Variants in ANK1 observed in about 807,000 individuals in gnomAD.
ANK1 encodes the protein ankyrin-1.
In ANK1, 51 loss-of-function variants were observed where a neutral mutation model predicts 210.4. That is an observed-to-expected ratio of 0.24 (90% CI 0.19 to 0.31). ANK1 has a LOEUF of 0.31. Ranked by LOEUF, ANK1 falls within the 10% of genes least tolerant of loss-of-function variation. The pLI is 1.00. For synonymous variants in ANK1, 967 were observed against 1,025.9 expected (o/e 0.94, Z 1.10); for missense variants, 2,051 against 2,504.4 (o/e 0.82, Z 3.86).
chr8:41,662,781 G>A (rs1808912035), intron 40 of ANK1, among the ~76,000 whole-genome samples: 1 of 152,094 alleles, frequency 6.6e-6, no homozygotes, highest in Non-Finnish European at 1.5e-5. Flanking sequence ...CTGCGCCTAA[G>A]CAGAAGCACA....
intron 13 of ANK1, among the ~76,000 whole-genome samples, chr8:41,716,131 C>T (rs1827608775): frequency 6.6e-6 from 1 of 152,162 alleles, no homozygotes; most frequent in Non-Finnish European, 1.5e-5. Flanking sequence ...GGAATAATAA[C>T]GTCTACTTGC....
chr8:41,668,793 G>T (rs1294573462), intron 38 of ANK1, among the ~76,000 whole-genome samples: 1 of 152,184 alleles, frequency 6.6e-6, no homozygotes, highest in Non-Finnish European at 1.5e-5. Context: ...TGTCCAGGTG[G>T]AAAGGCCACT....
At chr8:41,850,928 C>G (rs1587417068) in intron 1 of ANK1, among the ~76,000 whole-genome samples, 1 of 152,248 alleles carries the variant, frequency 6.6e-6, no homozygotes, top group Admixed American at 6.5e-5. Flanking sequence ...ACATAGGCTA[C>G]CCGGCCTCTT....
Position 41,849,999 on chromosome 8 carries a change from G to A in ANK1, c.126+46356C>T, listed in dbSNP as rs568901412. The stretch of plus-strand genomic sequence containing the variant: ...ATCACGCTGTCAGAGCCCTGGCAGC[G>A]GCTCTCAGACAGTCCCTCACTGCAG... On this transcript the variant is annotated intron_variant, in intron 1 of 42. Transcript: ENST00000265709. Among the ~76,000 whole-genome samples the A allele has an allele frequency of 9.9e-5, 15 of 152,134 alleles. No homozygotes were observed. In the South Asian group the frequency reaches 1.0e-3, roughly 11 times the overall value.
intron 42 of ANK1, among the ~76,000 whole-genome samples, chr8:41,658,965 C>A (rs1030605459): frequency 2.6e-5 from 4 of 152,160 alleles, no homozygotes; most frequent in Non-Finnish European, 5.9e-5. Context: ...TTAGCAAATA[C>A]TGAACCACTG....
chr8:41,758,508 AC>A (rs1839718749), intron 1 of ANK1, among the ~76,000 whole-genome samples: 1 of 150,278 alleles, frequency 6.7e-6, no homozygotes, highest in African/African-American at 2.5e-5. Flanking sequence ...ATTTTTTTAA[AC>A]TTTTTTTTTT....
intron 1 of ANK1, among the ~76,000 whole-genome samples, chr8:41,803,085 G>GAAGGGAAGGGAAGGAAAGGAAAGGA (rs1172839402): frequency 5.0e-5 from 3 of 60,032 alleles, no homozygotes; most frequent in African/African-American, 7.9e-5. Context: ...GGAAGGAAGG[G>GAAGGGAAGGGAAGGAAAGGAAAGGA]AAGGAAAGGA....
At chr8:41,673,902 A>T (rs1563377781) in intron 37 of ANK1, among the ~76,000 whole-genome samples, 1 of 152,194 alleles carries the variant, frequency 6.6e-6, no homozygotes, top group Admixed American at 6.5e-5. Flanking sequence ...AAGCCCACAG[A>T]GCTGAAGGGG....
At chr8:41,753,583 G>A (rs1238140717) in intron 2 of ANK1, among the ~76,000 whole-genome samples, 1 of 152,102 alleles carries the variant, frequency 6.6e-6, no homozygotes, top group African/African-American at 2.4e-5. Flanking sequence ...GTGCAGGTTT[G>A]TTACATGAAT....
chr8:41,659,081 C>T lies in ANK1; in HGVS notation c.*36+2349G>A, dbSNP rs138697488. ...TGTTAAATGCGTTTCTGTTTCAAGA[C>T]GCCTTATGTAATATATAGGGTTGAC... On this transcript the variant is annotated intron_variant, in intron 42 of 42. Coordinates refer to ENST00000289734, the MANE Select transcript of ANK1 (RefSeq NM_000037.4). Among the ~76,000 whole-genome samples the T allele has an allele frequency of 2.5e-3, 382 of 152,268 alleles. 1 individual carries two copies. The highest frequency in any genetic ancestry group is 8.6e-3 in the African/African-American group (359 of 41,542).
At chr8:41,732,503 C>T (rs1832425521) in intron 3 of ANK1, among the ~76,000 whole-genome samples, 1 of 152,074 alleles carries the variant, frequency 6.6e-6, no homozygotes, top group Non-Finnish European at 1.5e-5. Context: ...ACCTCCGCCT[C>T]CTGGGTTCAA....
At chr8:41,661,375 C>A in intron 42 of ANK1, 55 bp downstream of exon 42, 1 of 1,604,362 alleles carries the variant, frequency 6.2e-7, no homozygotes, top group African/African-American at 1.3e-5. Context: ...AGACAGGGAG[C>A]AGCCACTCCA....
chr8:41,864,482 C>T (rs1813943905), intron 1 of ANK1, among the ~76,000 whole-genome samples: 2 of 152,136 alleles, frequency 1.3e-5, no homozygotes, highest in Non-Finnish European at 1.5e-5. Flanking sequence ...GTGCTGAGTC[C>T]TCCCCACTCT....
chr8:41,822,072 G>GAA (rs1358629993), intron 1 of ANK1, among the ~76,000 whole-genome samples: 2 of 12,782 alleles, frequency 1.6e-4, no homozygotes, highest in East Asian at 1.0e-3. Context: ...GAAAGAGAGA[G>GAA]AGAGAGAGAG....
chr8:41,803,667 C>G (rs1003067320), intron 1 of ANK1, among the ~76,000 whole-genome samples: 33 of 151,398 alleles, frequency 2.2e-4, no homozygotes, highest in African/African-American at 7.8e-4. Flanking sequence ...TAAAGTTTTA[C>G]CATTAAGTAT....
intron 20 of ANK1, among the ~76,000 whole-genome samples, chr8:41,703,450 A>ATATATATATATATATATAT (rs59985416): frequency 8.5e-5 from 5 of 58,818 alleles, no homozygotes; most frequent in African/African-American, 2.7e-4. Context: ...ATATATATAT[A>ATATATATATATATATATAT]TTTTTTTTTT....
chr8:41,705,514 C>T (rs992006366), intron 18 of ANK1, among the ~76,000 whole-genome samples: 1 of 152,196 alleles, frequency 6.6e-6, no homozygotes, highest in Non-Finnish European at 1.5e-5. Context: ...GGGGCGGGAG[C>T]TCCTGGTACT....
intron 8 of ANK1, 152 bp from the exon 9 acceptor site, chr8:41,723,375 TC>T: frequency 8.6e-7 from 1 of 1,162,914 alleles, no homozygotes; most frequent in Non-Finnish European, 1.3e-6. Flanking sequence ...TACTATTGCC[TC>T]CCACTGCACG....
Position 41,738,902 on chromosome 8 carries a change from A to G in ANK1, c.130-4833T>C, listed in dbSNP as rs151158755. Among the ~76,000 whole-genome samples the G allele has an allele frequency of 3.7e-3, 560 of 152,322 alleles. 4 individuals carry two copies. The highest frequency in any genetic ancestry group is 5.3e-3 in the Non-Finnish European group (361 of 68,028). On this transcript the variant is annotated intron_variant, in intron 2 of 42. Transcript: ENST00000289734. ...TCACATATTTCTTCCCTCAAATAAC[A>G]GGGTGTAGAAGATAAGCAAAAAGGA... is the stretch of plus-strand genomic sequence containing the variant.
Sources: allele counts gnomAD v4.1 joint callset (sites outside exome capture counted in the v4.1 genomes callset), GRCh38; gene constraint gnomAD v4.1.1; transcripts MANE v1.5; gene names NCBI Gene and HGNC (gene_info 2026-07-23, HGNC 2026-07-21).